KCNQ1OT1: variants seen among roughly 807,000 people sequenced by gnomAD.
The protein encoded by KCNQ1OT1 is KCNQ1 antisense RNA 2 (non-protein coding).
rs780507024 is a variant in KCNQ1OT1, at chr11:2,669,350, G to C, written n.30645C>G. On this transcript the variant is annotated non_coding_transcript_exon_variant, in exon 1 of 1. Transcript: ENST00000597346. The surrounding 1 kb of genome is among the most constrained non-coding windows in gnomAD (Gnocchi z 5.6). Reference sequence around the variant, plus strand: ...TCTAGGCGCAGCAGCCTCTAGATGGGCATGGGAGAATGGGTATCCTTATAG... The same window carrying C: ...TCTAGGCGCAGCAGCCTCTAGATGGCCATGGGAGAATGGGTATCCTTATAG... 5.0e-6 allele frequency: 2 copies of C among 398,630 alleles called. No homozygotes were observed. The highest frequency in any genetic ancestry group is 8.8e-5 in the Admixed American group (2 of 22,734). The allele number at this position is 398,630 out of a possible 1,614,324, so 24.7% of individuals were successfully genotyped here.
exon 1 of KCNQ1OT1, chr11:2,630,572 A>T: frequency 2.5e-6 from 1 of 398,292 alleles, no homozygotes; most frequent in Non-Finnish European, 4.4e-6. Context: ...AGTAATTTTT[A>T]ATTATTTTTC....
In KCNQ1OT1 at chr11:2,664,178, A is replaced by G. The variant is rs1850020989; in HGVS notation, n.35817T>C. ...GCTGTTCCAAAAGTGGCTGCTAGATATGAGCCAGCCTGGGAAGGCAGGAAG... is the reference window on the plus strand; with the variant it reads ...GCTGTTCCAAAAGTGGCTGCTAGATGTGAGCCAGCCTGGGAAGGCAGGAAG... On this transcript the variant is annotated non_coding_transcript_exon_variant, in exon 1 of 1. Transcript: ENST00000597346. The surrounding 1 kb of genome is among the most constrained non-coding windows in gnomAD (Gnocchi z 5.1). 3 of 398,712 alleles carry G rather than the reference A, an allele frequency of 7.5e-6. No homozygotes were observed. Among genetic ancestry groups the G allele is most frequent in the Non-Finnish European group, 1.3e-5 (3 of 226,192 alleles). 24.7% of individuals were successfully genotyped at this position (398,712 alleles called of 1,614,324 possible).
At chr11:2,641,144 T>C (rs1405442027) in exon 1 of KCNQ1OT1, 1 of 398,428 alleles carries the variant, frequency 2.5e-6, no homozygotes, top group African/African-American at 2.1e-5. Flanking sequence ...TGCAGGTACA[T>C]TTTTAGTATA....
At position 2,610,274 on chromosome 11, in the gene KCNQ1OT1, G is replaced by T. The variant is rs1848957802; in HGVS notation, n.89721C>A. ...TGAGATACAGAAGTTATTCCTGTAT[G>T]AGTTTATTCAGTTTTACCACTTTTT... is the stretch of plus-strand genomic sequence containing the variant. On this transcript the variant is annotated non_coding_transcript_exon_variant, in exon 1 of 1. Transcript: ENST00000597346. The T allele has an allele frequency of 7.5e-6, 3 of 397,772 alleles. No homozygotes were observed. The Admixed American group carries it at 1.3e-4, about 18-fold the overall frequency. The allele number at this position is 397,772 out of a possible 1,614,324, so 24.6% of individuals were successfully genotyped here. A position where few individuals can be genotyped will look rare whatever the true frequency, so the allele number is the denominator to read the frequency against.
rs372593469 is a variant in KCNQ1OT1, at chr11:2,662,088, G to A, written n.37907C>T. 2.5e-6 allele frequency: 4 copies of A among 1,614,062 alleles called. No individual in the cohort carries two copies. Among genetic ancestry groups the A allele is most frequent in the African/African-American group, 2.7e-5 (2 of 74,948 alleles). On this transcript the variant is annotated non_coding_transcript_exon_variant, in exon 1 of 1. Transcript: ENST00000597346. ...CCATCACCCACATCTCACAGTGAGT[G>A]CCTACATGTGCGTGAAGGGCTGGGC... is the stretch of plus-strand genomic sequence containing the variant.
exon 1 of KCNQ1OT1, chr11:2,685,130 C>A (rs963943946): frequency 5.3e-5 from 21 of 398,544 alleles, no homozygotes; most frequent in Non-Finnish European, 8.8e-6. Flanking sequence ...ATGGTCAGAG[C>A]TAATCAGGTG....
rs1264674444 is a variant in KCNQ1OT1 at position 2,695,999 on chromosome 11, T to C, written n.3996A>G. The C allele has an allele frequency of 3.3e-5, 13 of 398,536 alleles. No individual in the cohort carries two copies. The East Asian group carries it at 4.6e-4, about 14-fold the overall frequency. The allele number at this position is 398,536 out of a possible 1,614,324, so 24.7% of individuals were successfully genotyped here. A position where few individuals can be genotyped will look rare whatever the true frequency, so the allele number is the denominator to read the frequency against. Reference sequence around the variant, plus strand: ...ATCTTGTAATGAGTCATGGCAAAGTTACATTCATGAGTGTAAAAGTGAAAA... The same window carrying C: ...ATCTTGTAATGAGTCATGGCAAAGTCACATTCATGAGTGTAAAAGTGAAAA... On this transcript the variant is annotated non_coding_transcript_exon_variant, in exon 1 of 1. Transcript: ENST00000597346. This position sits in a 1 kb window ranked among gnomAD's most constrained non-coding sequence, Gnocchi z 5.2.
exon 1 of KCNQ1OT1, chr11:2,667,405 C>T: frequency 5.0e-6 from 2 of 398,724 alleles, no homozygotes; most frequent in Non-Finnish European, 8.8e-6. Flanking sequence ...CCAGGCTCAG[C>T]CCTCTCCACT....
Position 2,645,511 on chromosome 11 carries a change from T to C in KCNQ1OT1, n.54484A>G, listed in dbSNP as rs532001918. The stretch of plus-strand genomic sequence containing the variant: ...TCATGTTGGGGCAGCAGCAACTCTA[T>C]TGCAGCCCTACTCCTGGGGAAGTTG... On this transcript the variant is annotated non_coding_transcript_exon_variant, in exon 1 of 1. Coordinates refer to ENST00000597346, the Ensembl canonical transcript of KCNQ1OT1. The surrounding 1 kb of genome is among the most constrained non-coding windows in gnomAD (Gnocchi z 5.8). 10 of 398,726 alleles carry C rather than the reference T, an allele frequency of 2.5e-5. No homozygotes were observed. Among genetic ancestry groups the C allele is most frequent in the African/African-American group, 2.1e-4 (10 of 48,758 alleles). The allele number at this position is 398,726 out of a possible 1,614,324, so 24.7% of individuals were successfully genotyped here.
exon 1 of KCNQ1OT1, chr11:2,692,084 GC>G (rs1016228382): frequency 2.5e-6 from 1 of 398,594 alleles, no homozygotes; most frequent in Non-Finnish European, 4.4e-6. Context: ...CCAGTCACCT[GC>G]CCCCACCTCC....
exon 1 of KCNQ1OT1, chr11:2,618,387 A>C (rs1189757919): frequency 2.5e-6 from 1 of 398,494 alleles, no homozygotes; most frequent in African/African-American, 2.1e-5. Flanking sequence ...TCCTGGGCTT[A>C]CATGTGGTCT....
exon 1 of KCNQ1OT1, chr11:2,656,504 G>C (rs1008842663): frequency 2.5e-6 from 1 of 398,680 alleles, no homozygotes; most frequent in African/African-American, 2.1e-5. Flanking sequence ...ATGAGCTCCT[G>C]AGTTTATTTA....
Position 2,679,067 on chromosome 11 carries a change from C to G in KCNQ1OT1, n.20928G>C, listed in dbSNP as rs1850343097. The G allele has an allele frequency of 5.0e-6, 2 of 398,512 alleles. No homozygotes were observed. Among genetic ancestry groups the G allele is most frequent in the South Asian group, 2.5e-4 (2 of 7,856 alleles). 24.7% of individuals were successfully genotyped at this position (398,512 alleles called of 1,614,324 possible). A position where few individuals can be genotyped will look rare whatever the true frequency, so the allele number is the denominator to read the frequency against. ...CTCCATACCAACCACCAAAAAAACC[C>G]ACTAACACCATAAAGTGTCATAGCT... On this transcript the variant is annotated non_coding_transcript_exon_variant, in exon 1 of 1. Transcript: ENST00000597346. The surrounding 1 kb of genome is among the most constrained non-coding windows in gnomAD (Gnocchi z 4.8).
Position 2,623,767 on chromosome 11 carries a change from C to T in KCNQ1OT1, n.76228G>A, listed in dbSNP as rs1285982589. The stretch of plus-strand genomic sequence containing the variant: ...ATTTTTATGTGAATATAAGTCTTCA[C>T]CTCCTTTGAGTAAATACCAAGGATG... On this transcript the variant is annotated non_coding_transcript_exon_variant, in exon 1 of 1. Transcript: ENST00000597346. The surrounding 1 kb of genome is among the most constrained non-coding windows in gnomAD (Gnocchi z 5.2). The T allele has an allele frequency of 2.5e-6, 1 of 398,500 alleles. No homozygotes were observed. Among genetic ancestry groups the T allele is most frequent in the Non-Finnish European group, 4.4e-6 (1 of 226,020 alleles). 24.7% of individuals were successfully genotyped at this position (398,500 alleles called of 1,614,324 possible). A position where few individuals can be genotyped will look rare whatever the true frequency, so the allele number is the denominator to read the frequency against.
chr11:2,693,038 G>C, exon 1 of KCNQ1OT1: 5 of 398,636 alleles, frequency 1.3e-5, no homozygotes, highest in Non-Finnish European at 2.2e-5. Flanking sequence ...GTCCTTTCTG[G>C]AGCAGGGGGA....
Position 2,651,223 on chromosome 11 carries a change from CACAGCACACACAG to C in KCNQ1OT1, n.48759_48771del. ...CTGTCACCCTGTCTTGTGTCAGTCT[CACAGCACACACAG>C]CTTAATTCAGGAATTAAGCTGTGCT... is the stretch of plus-strand genomic sequence containing the variant. On this transcript the variant is annotated non_coding_transcript_exon_variant, in exon 1 of 1. Coordinates refer to ENST00000597346, the Ensembl canonical transcript of KCNQ1OT1. This position sits in a 1 kb window ranked among gnomAD's most constrained non-coding sequence, Gnocchi z 6.1. 1 of 398,642 alleles carries C rather than the reference CACAGCACACACAG, an allele frequency of 2.5e-6. No individual in the cohort carries two copies. The highest frequency in any genetic ancestry group is 4.4e-6 in the Non-Finnish European group (1 of 226,084). 24.7% of individuals were successfully genotyped at this position (398,642 alleles called of 1,614,324 possible).
chr11:2,644,479 G>T (rs922975508), exon 1 of KCNQ1OT1: 2 of 397,988 alleles, frequency 5.0e-6, no homozygotes, highest in Non-Finnish European at 8.9e-6. Context: ...ACCCCGAATT[G>T]TTTTTTCTGA....
exon 1 of KCNQ1OT1, chr11:2,636,373 T>G (rs1849465048): frequency 2.0e-5 from 3 of 152,028 alleles, no homozygotes; most frequent in South Asian, 4.2e-4. Context: ...ATACCTAATT[T>G]ATTGAGAGTT....
chr11:2,646,625 A>G (rs1849670057), exon 1 of KCNQ1OT1: 1 of 398,678 alleles, frequency 2.5e-6, no homozygotes, highest in Non-Finnish European at 4.4e-6. Flanking sequence ...TCCGAGGTTC[A>G]AGTGATCCTC....
Sources: gnomAD v4.1 joint callset for allele counts on GRCh38, gnomAD v4.1.1 for gene constraint, Gnocchi (gnomAD v3.1) non-coding constraint, MANE v1.5 for transcripts, NCBI Gene and HGNC (gene_info 2026-07-23, HGNC 2026-07-21) for gene names.